The following FUBP3 variants were observed in gnomAD, a reference collection of about 807,000 sequenced individuals.
The protein encoded by FUBP3 is far upstream element binding protein 3.
FUBP3 carries 28 observed loss-of-function variants against 85.6 expected under a neutral mutation model. That is an observed-to-expected ratio of 0.33 (90% CI 0.24 to 0.45). FUBP3 has a LOEUF of 0.45. Among genes scored for constraint, FUBP3 ranks in the 20% least tolerant of loss-of-function variants. The probability of loss-of-function intolerance (pLI) is 1.00; values close to 1 mark genes in which losing one functional copy is unlikely to be tolerated. For synonymous variants in FUBP3, 271 were observed against 271.4 expected (o/e 1.00, Z 0.01); for missense variants, 583 against 755.1 (o/e 0.77, Z 2.67).
intron 1 of FUBP3, among the ~76,000 whole-genome samples, chr9:130,590,710 T>G (rs1392190605): frequency 6.6e-6 from 1 of 152,242 alleles, no homozygotes; most frequent in Non-Finnish European, 1.5e-5. Context: ...GCTTGGGCTC[T>G]GTGCACTGGA....
intron 2 of FUBP3, among the ~76,000 whole-genome samples, chr9:130,596,250 A>G (rs1005471333): frequency 8.5e-5 from 13 of 152,156 alleles, no homozygotes; most frequent in Admixed American, 3.9e-4. Context: ...TCCTGTTACT[A>G]TAGAAGAGAT....
At chr9:130,592,726 A>T (rs1046517033) in intron 1 of FUBP3, among the ~76,000 whole-genome samples, 1 of 151,952 alleles carries the variant, frequency 6.6e-6, no homozygotes, top group Non-Finnish European at 1.5e-5. Flanking sequence ...TATTTTTTGT[A>T]GAGATGGGGG....
At chr9:130,581,987 GC>G in intron 1 of FUBP3, 1 of 152,220 alleles carries the variant, frequency 6.6e-6, no homozygotes. Flanking sequence ...TTTGGACTCT[GC>G]AGCAAAGTGC....
chr9:130,588,055 GACA>G (rs1166183359), intron 1 of FUBP3, among the ~76,000 whole-genome samples: 3 of 152,144 alleles, frequency 2.0e-5, no homozygotes, highest in African/African-American at 4.8e-5. Context: ...CATCTCTGAT[GACA>G]ACAATAGTTC....
At chr9:130,630,601 C>G (rs1180595167) in intron 12 of FUBP3, 27 bp from the exon 13 acceptor site, 14 of 1,556,538 alleles carry the variant, frequency 9.0e-6, no homozygotes, top group Non-Finnish European at 1.2e-5. Context: ...TCTGCTTACT[C>G]TTCTGCCTGT....
At chr9:130,621,336 A>AG (rs1554743641) in intron 9 of FUBP3, among the ~76,000 whole-genome samples, 2 of 152,026 alleles carry the variant, frequency 1.3e-5, no homozygotes, top group Non-Finnish European at 2.9e-5. Flanking sequence ...CAAAAAAAAA[A>AG]GTATTTTAAA....
At position 130,635,632 on chromosome 9, in the gene FUBP3, A is replaced by AT. The variant is rs1830385740; in HGVS notation, c.1583-366dup. On this transcript the variant is annotated intron_variant, in intron 17 of 18. Coordinates refer to ENST00000319725, the MANE Select transcript of FUBP3 (RefSeq NM_003934.2). The surrounding 1 kb of genome is among the most constrained non-coding windows in gnomAD (Gnocchi z 4.3). ...AAGCTGTTCACAGGATTTGGACACT[A>AT]TCACAGGCACCCAAGTTAGGTACTC... Among the ~76,000 whole-genome samples the AT allele has an allele frequency of 6.6e-6, 1 of 152,114 alleles. No individual in the cohort carries two copies. The highest frequency in any genetic ancestry group is 2.4e-5 in the African/African-American group (1 of 41,406).
chr9:130,623,803 C>A, intron 11 of FUBP3, 92 bp downstream of exon 11: 1 of 682,874 alleles, frequency 1.5e-6, no homozygotes, highest in Non-Finnish European at 2.5e-6. Context: ...GAGCTGTCAC[C>A]CTGAGGCGTC....
chr9:130,616,416 A>G lies in FUBP3; in HGVS notation c.466A>G (p.Asn156Asp), dbSNP rs776479286. 1.9e-6 allele frequency: 3 copies of G among 1,614,062 alleles called. No homozygotes were observed. Among genetic ancestry groups the G allele is most frequent in the Admixed American group, 1.7e-5 (1 of 60,022 alleles). Residue 156 changes from asparagine to aspartate, a missense_variant, in exon 7 of 19, where the codon AAT becomes GAT. Asn to Asp is a conservative substitution (Grantham distance 23). Coordinates refer to ENST00000319725, the MANE Select transcript of FUBP3 (RefSeq NM_003934.2). This position sits in a 1 kb window ranked among gnomAD's most constrained non-coding sequence, Gnocchi z 4.7. The part of the protein sequence containing the change: ...DRCRNGPGFH[N>D]DIDSNSTIQE... ...CTGTCGAAATGGACCTGGCTTTCAT[A>G]ATGACATAGACAGCAACAGCACAAT...
intron 2 of FUBP3, among the ~76,000 whole-genome samples, chr9:130,603,688 A>G (rs1398505289): frequency 6.6e-6 from 1 of 152,184 alleles, no homozygotes; most frequent in Non-Finnish European, 1.5e-5. Flanking sequence ...TGCAGCATCA[A>G]TGTTGTGACA....
intron 9 of FUBP3, among the ~76,000 whole-genome samples, chr9:130,622,502 T>A (rs556427656): frequency 1.3e-5 from 2 of 151,974 alleles, no homozygotes; most frequent in African/African-American, 4.8e-5. Flanking sequence ...CATAGTTGCC[T>A]GTGCCTGTTT....
rs1830399607 is a variant in FUBP3, at chr9:130,635,960, C to T, written c.1583-39C>T. The T allele has an allele frequency of 6.2e-7, 1 of 1,604,080 alleles. No homozygotes were observed. Among genetic ancestry groups the T allele is most frequent in the African/African-American group, 1.3e-5 (1 of 74,856 alleles). ...GGGAAGGGTCCTGCCCAGTGCACCT[C>T]CGCTCCCGATAACCTGTGTTTCCTC... On this transcript the variant is annotated intron_variant, in intron 17 of 18. Coordinates refer to ENST00000319725, the MANE Select transcript of FUBP3 (RefSeq NM_003934.2). The surrounding 1 kb of genome is among the most constrained non-coding windows in gnomAD (Gnocchi z 4.3).
chr9:130,600,669 A>G (rs918485244), intron 2 of FUBP3, among the ~76,000 whole-genome samples: 3 of 151,958 alleles, frequency 2.0e-5, no homozygotes, highest in Non-Finnish European at 4.4e-5. Flanking sequence ...TTTATAAAGG[A>G]CCTGATAGTA....
At chr9:130,595,449 G>C in intron 1 of FUBP3, 34 bp from the exon 2 acceptor site, 1 of 1,006,666 alleles carries the variant, frequency 9.9e-7, no homozygotes, top group Non-Finnish European at 1.6e-6. Flanking sequence ...GCCATGGTTT[G>C]TTACTGAGTG....
intron 16 of FUBP3, among the ~76,000 whole-genome samples, chr9:130,634,344 C>T (rs1479798794): frequency 6.6e-6 from 1 of 152,238 alleles, no homozygotes; most frequent in Non-Finnish European, 1.5e-5. Flanking sequence ...TCAGCAGCCT[C>T]TGGAGTCTTT....
intron 3 of FUBP3, among the ~76,000 whole-genome samples, chr9:130,611,661 T>A (rs922054417): frequency 9.2e-5 from 14 of 151,798 alleles, no homozygotes; most frequent in Non-Finnish European, 1.6e-4. Flanking sequence ...TTTTTTTTTT[T>A]AAACTACTTG....
At chr9:130,594,316 C>G (rs907967319) in intron 1 of FUBP3, among the ~76,000 whole-genome samples, 2 of 151,836 alleles carry the variant, frequency 1.3e-5, no homozygotes, top group African/African-American at 4.8e-5. Context: ...GGCGCTGTGG[C>G]TCATGCTTGT....
Position 130,621,719 on chromosome 9 carries a change from A to T in FUBP3, c.772-989A>T, listed in dbSNP as rs190998109. 5.3e-3 allele frequency among the ~76,000 whole-genome samples: 800 copies of T among 151,672 alleles called. 8 individuals are homozygous for T. Among genetic ancestry groups the T allele is most frequent in the African/African-American group, 0.019 (785 of 41,348 alleles). On this transcript the variant is annotated intron_variant, in intron 9 of 18. Coordinates refer to ENST00000319725, the MANE Select transcript of FUBP3 (RefSeq NM_003934.2). ...CAGGAGTTCGAGACCAGCCTGGCCAATGTGGTGAAACCCTGTCTCTACTAA... is the reference window on the plus strand; with the variant it reads ...CAGGAGTTCGAGACCAGCCTGGCCATTGTGGTGAAACCCTGTCTCTACTAA...
Position 130,620,279 on chromosome 9 carries a change from C to T in FUBP3, c.667-75C>T. 4 of 862,122 alleles carry T rather than the reference C, an allele frequency of 4.6e-6. 1 individual carries two copies. The South Asian group carries it at 6.8e-5, about 15-fold the overall frequency. 53.4% of individuals were successfully genotyped at this position (862,122 alleles called of 1,614,324 possible). A position where few individuals can be genotyped will look rare whatever the true frequency, so the allele number is the denominator to read the frequency against. On this transcript the variant is annotated intron_variant, in intron 8 of 18. Coordinates refer to ENST00000319725, the MANE Select transcript of FUBP3 (RefSeq NM_003934.2). ...TAAACCCAAGTTAAGAGGGTTTGATCTTGAAATTTCACCTGGTGATGTATC... is the reference window on the plus strand; with the variant it reads ...TAAACCCAAGTTAAGAGGGTTTGATTTTGAAATTTCACCTGGTGATGTATC...
Sources: allele counts gnomAD v4.1 joint callset (sites outside exome capture counted in the v4.1 genomes callset), GRCh38; gene constraint gnomAD v4.1.1; non-coding constraint Gnocchi (gnomAD v3.1); transcripts MANE v1.5; gene names NCBI Gene and HGNC (gene_info 2026-07-23, HGNC 2026-07-21).